The following TJP1 variants were observed in gnomAD, a reference collection of about 807,000 sequenced individuals.
The protein encoded by TJP1 is tight junction protein ZO-1.
A neutral mutation model predicts 194.2 loss-of-function variants in TJP1; 43 were observed. The observed-to-expected ratio is 0.22, with a 90% CI of 0.17 to 0.29. The LOEUF is 0.29. TJP1 is among the 10% of genes least tolerant of loss of function. TJP1 has a pLI of 1.00. For synonymous variants in TJP1, 801 were observed against 779.0 expected (o/e 1.03, Z -0.47); for missense variants, 1,971 against 2,185.7 (o/e 0.90, Z 1.96).
intron 2 of TJP1, among the ~76,000 whole-genome samples, chr15:29,907,611 G>C (rs2053860087): frequency 6.6e-6 from 1 of 152,070 alleles, no homozygotes; most frequent in Non-Finnish European, 1.5e-5. Flanking sequence ...TAGAGTTAAT[G>C]TCATTTAAAA....
intron 25 of TJP1, among the ~76,000 whole-genome samples, chr15:29,708,187 C>T (rs941386498): frequency 1.4e-5 from 2 of 140,596 alleles, no homozygotes; most frequent in South Asian, 4.6e-4. Flanking sequence ...CAGAGGGAGA[C>T]TCTTGTCTCA....
chr15:29,886,864 T>C lies in TJP1; in HGVS notation c.306+69368A>G, dbSNP rs116053344. 2.0e-3 allele frequency among the ~76,000 whole-genome samples: 301 copies of C among 151,968 alleles called. 1 individual carries two copies. Among genetic ancestry groups the C allele is most frequent in the African/African-American group, 6.7e-3 (279 of 41,420 alleles). On this transcript the variant is annotated intron_variant, in intron 2 of 28. Coordinates refer to the TJP1 transcript ENST00000356107. ...ACTAAAACCTGTTAGATAAACAGTT[T>C]TTCCCCAAATAATCTGTAAGTTCAA...
At chr15:29,952,528 G>A (rs1364122424) in intron 2 of TJP1, among the ~76,000 whole-genome samples, 1 of 152,124 alleles carries the variant, frequency 6.6e-6, no homozygotes, top group Non-Finnish European at 1.5e-5. Context: ...AGGCCTCTCA[G>A]CCAGAAACTG....
chr15:29,885,009 C>T (rs2053067995), intron 2 of TJP1, among the ~76,000 whole-genome samples: 1 of 152,184 alleles, frequency 6.6e-6, no homozygotes, highest in African/African-American at 2.4e-5. Flanking sequence ...CCTGGGGCTG[C>T]AGCCTTCAAA....
chr15:29,776,093 A>AC (rs975788177), intron 2 of TJP1, among the ~76,000 whole-genome samples: 1 of 152,104 alleles, frequency 6.6e-6, no homozygotes, highest in Non-Finnish European at 1.5e-5. Flanking sequence ...ATAATGACTA[A>AC]CCCCCCAATA....
intron 2 of TJP1, among the ~76,000 whole-genome samples, chr15:29,834,549 A>G (rs2050963277): frequency 6.6e-6 from 1 of 152,244 alleles, no homozygotes; most frequent in Admixed American, 6.5e-5. Context: ...TTGCAGTAGC[A>G]AACTTCTATC....
At chr15:29,864,263 A>AAAAAAAAAAAAC (rs1170750580) in intron 2 of TJP1, among the ~76,000 whole-genome samples, 1 of 147,942 alleles carries the variant, frequency 6.8e-6, no homozygotes, top group African/African-American at 2.5e-5. Flanking sequence ...AAAAAAAAAA[A>AAAAAAAAAAAAC]AGCTGGGTGT....
chr15:29,938,529 C>T (rs2054957855), intron 2 of TJP1, among the ~76,000 whole-genome samples: 1 of 152,156 alleles, frequency 6.6e-6, no homozygotes, highest in Admixed American at 6.5e-5. Flanking sequence ...AAAAGCTTGA[C>T]TTCTTTCTGA....
intron 16 of TJP1, 69 bp from the exon 17 acceptor site, chr15:29,727,060 T>C (rs996793989): frequency 4.3e-6 from 6 of 1,404,662 alleles, no homozygotes; most frequent in African/African-American, 4.3e-5. Flanking sequence ...CAAATTCAGC[T>C]GGGTGCAGTG....
chr15:29,876,831 A>G (rs947824737), intron 2 of TJP1, among the ~76,000 whole-genome samples: 2 of 152,192 alleles, frequency 1.3e-5, no homozygotes, highest in African/African-American at 4.8e-5. Context: ...CTGTGAGCTG[A>G]AGCCTAAGGA....
At chr15:29,735,279 A>G (rs1377612212) in intron 11 of TJP1, among the ~76,000 whole-genome samples, 1 of 152,044 alleles carries the variant, frequency 6.6e-6, no homozygotes, top group Non-Finnish European at 1.5e-5. Flanking sequence ...GATACAAAAC[A>G]AAAGTGAACT....
upstream of TJP1, among the ~76,000 whole-genome samples, chr15:29,824,545 G>A (rs1405735016): frequency 1.3e-5 from 2 of 151,628 alleles, no homozygotes; most frequent in Admixed American, 1.3e-4. Flanking sequence ...ACCAGCCTGG[G>A]AAACAGTGAG....
intron 2 of TJP1, among the ~76,000 whole-genome samples, chr15:29,931,111 C>T (rs752548567): frequency 9.9e-5 from 15 of 151,900 alleles, no homozygotes; most frequent in Non-Finnish European, 1.6e-4. Flanking sequence ...ATGTATATAC[C>T]GTATTCTTAC....
At chr15:29,802,704 A>G (rs1268498143) in intron 1 of TJP1, among the ~76,000 whole-genome samples, 1 of 152,168 alleles carries the variant, frequency 6.6e-6, no homozygotes, top group East Asian at 1.9e-4. Context: ...TGATAAAAGT[A>G]TCTGCAAGAG....
At chr15:29,800,810 G>A (rs956622350) in intron 1 of TJP1, 108 bp from the exon 2 acceptor site, 4 of 1,066,486 alleles carry the variant, frequency 3.8e-6, no homozygotes, top group Non-Finnish European at 5.5e-6. Context: ...AAAATTCACA[G>A]TTAATATTAG....
At chr15:29,727,320 G>T (rs1027801681) in intron 16 of TJP1, among the ~76,000 whole-genome samples, 1 of 151,990 alleles carries the variant, frequency 6.6e-6, no homozygotes, top group Non-Finnish European at 1.5e-5. Context: ...GTCCCACCTG[G>T]GCAACACAGC....
intron 2 of TJP1, among the ~76,000 whole-genome samples, chr15:29,932,991 T>C (rs2054769466): frequency 6.6e-6 from 1 of 152,124 alleles, no homozygotes; most frequent in African/African-American, 2.4e-5. Context: ...TGTAAAGATA[T>C]CAAAATACAC....
upstream of TJP1, among the ~76,000 whole-genome samples, chr15:29,824,921 CA>C (rs1442115492): frequency 6.6e-6 from 1 of 151,974 alleles, no homozygotes; most frequent in African/African-American, 2.4e-5. Context: ...TGAAATCAAA[CA>C]AAAATATTTC....
chr15:29,791,099 T>G (rs2048052242), intron 2 of TJP1, among the ~76,000 whole-genome samples: 1 of 152,096 alleles, frequency 6.6e-6, no homozygotes, highest in Admixed American at 6.6e-5. Context: ...CGATTTCGGC[T>G]CACTGCAATC....
Sources: gnomAD v4.1 joint callset for allele counts (sites outside exome capture counted in the v4.1 genomes callset) on GRCh38, gnomAD v4.1.1 for gene constraint, MANE v1.5 for transcripts, NCBI Gene and HGNC (gene_info 2026-07-23, HGNC 2026-07-21) for gene names.